Variants in NNT observed in about 807,000 individuals in gnomAD.
NNT encodes NAD(P) transhydrogenase, mitochondrial.
NNT carries 50 observed loss-of-function variants against 104.8 expected under a neutral mutation model. The ratio of observed to expected loss-of-function variants is 0.48; its 90% CI spans 0.38 to 0.60. The LOEUF (loss-of-function observed/expected upper bound fraction) is 0.60, where lower values mean the gene tolerates loss of function less well. Among genes scored for constraint, NNT ranks in the 20% least tolerant of loss-of-function variants. The pLI is 0.00. For synonymous variants in NNT, 461 were observed against 490.4 expected (o/e 0.94, Z 0.79); for missense variants, 1,131 against 1,330.7 (o/e 0.85, Z 2.33).
At chr5:43,678,967 A>G (rs974332646) in intron 19 of NNT, among the ~76,000 whole-genome samples, 1 of 152,222 alleles carries the variant, frequency 6.6e-6, no homozygotes, top group Non-Finnish European at 1.5e-5. Context: ...TCAAATATAT[A>G]GAATCAAAAT....
intron 19 of NNT, 147 bp downstream of exon 19, chr5:43,677,953 C>A: frequency 3.4e-6 from 2 of 581,148 alleles, no homozygotes; most frequent in East Asian, 2.8e-5. Context: ...TTTGACTCTC[C>A]AAAAACTTAC....
At chr5:43,613,985 A>C (rs1194579808) in intron 3 of NNT, among the ~76,000 whole-genome samples, 1 of 152,218 alleles carries the variant, frequency 6.6e-6, no homozygotes, top group Non-Finnish European at 1.5e-5. Context: ...AATTTTTGCT[A>C]TTGAAAGTTA....
At chr5:43,647,538 T>G (rs1165378788) in intron 10 of NNT, among the ~76,000 whole-genome samples, 1 of 152,210 alleles carries the variant, frequency 6.6e-6, no homozygotes, top group Non-Finnish European at 1.5e-5. Context: ...TAAGTATTTT[T>G]CTTTTATATG....
chr5:43,701,598 A>C (rs891801775), intron 20 of NNT, among the ~76,000 whole-genome samples: 1 of 152,164 alleles, frequency 6.6e-6, no homozygotes, highest in African/African-American at 2.4e-5. Context: ...ATATGTACGC[A>C]GTAGTGGGAT....
intron 19 of NNT, among the ~76,000 whole-genome samples, chr5:43,699,775 C>T (rs1175288323): frequency 1.3e-5 from 2 of 152,088 alleles, no homozygotes; most frequent in African/African-American, 2.4e-5. Flanking sequence ...TTTAAAGATT[C>T]AATATTTACC....
At chr5:43,684,617 T>C (rs1419237861) in intron 19 of NNT, among the ~76,000 whole-genome samples, 3 of 152,138 alleles carry the variant, frequency 2.0e-5, no homozygotes. Context: ...CCGACCCAGT[T>C]GGTCCAGGCC....
At chr5:43,612,634 A>G (rs1749559122) in intron 2 of NNT, among the ~76,000 whole-genome samples, 1 of 152,106 alleles carries the variant, frequency 6.6e-6, no homozygotes, top group Middle Eastern at 3.2e-3. Flanking sequence ...CCTACAAATC[A>G]ACTAAGCTTG....
At chr5:43,687,285 A>T (rs1580116491) in intron 19 of NNT, among the ~76,000 whole-genome samples, 1 of 152,296 alleles carries the variant, frequency 6.6e-6, no homozygotes, top group South Asian at 2.1e-4. Flanking sequence ...GGTCAGGGAT[A>T]GCTCATTCTT....
At chr5:43,696,751 C>T (rs1019307754) in intron 19 of NNT, among the ~76,000 whole-genome samples, 3 of 152,218 alleles carry the variant, frequency 2.0e-5, no homozygotes, top group African/African-American at 7.2e-5. Context: ...GGCTCCACAT[C>T]ATGTGGAAGC....
chr5:43,655,763 C>A (rs2111932253), intron 14 of NNT, 77 bp from the exon 15 acceptor site: 2 of 1,001,430 alleles, frequency 2.0e-6, no homozygotes, highest in South Asian at 2.8e-5. Context: ...TGGTGGAAAT[C>A]CTTAAGGGTG....
Position 43,700,189 on chromosome 5 carries a change from C to T in NNT, c.2947C>T (p.Pro983Ser). ...TGTGCTGCTGGCTGAGGCTGGTGTG[C>T]CATATGACATTGTGTTGGAAATGGA... ...LNVLLAEAGV[P>S]YDIVLEMDEI... The change falls in exon 20 of 22, where the codon CCA becomes TCA. Residue 983 changes from proline to serine, a missense_variant. Transcript: ENST00000344920. The T allele has an allele frequency of 6.2e-7, 1 of 1,613,482 alleles. No homozygotes were observed. Among genetic ancestry groups the T allele is most frequent in the Non-Finnish European group, 8.5e-7 (1 of 1,179,710 alleles).
Position 43,637,354 on chromosome 5 carries a change from C to A in NNT, c.965-6838C>A, listed in dbSNP as rs183960593. ...CATGCATACATATATGTATAAAAAC[C>A]CTTTTGTTATCATTGGTAACATTTT... On this transcript the variant is annotated intron_variant, in intron 7 of 21. Transcript: ENST00000344920. 4.9e-3 allele frequency among the ~76,000 whole-genome samples: 749 copies of A among 152,050 alleles called. 6 individuals are homozygous for A. Among genetic ancestry groups the A allele is most frequent in the African/African-American group, 0.017 (724 of 41,484 alleles).
At chr5:43,661,777 A>G (rs1740379875) in intron 17 of NNT, among the ~76,000 whole-genome samples, 1 of 151,958 alleles carries the variant, frequency 6.6e-6, no homozygotes, top group African/African-American at 2.4e-5. Context: ...TCCATGGTGT[A>G]TATGTGCCAC....
rs1739624391 is a variant in NNT, at chr5:43,649,282, TG to T, written c.1581del (p.Met528CysfsTer3). On this transcript the variant is annotated frameshift_variant, in exon 11 of 22. Transcript: ENST00000344920. LOFTEE classifies it high-confidence loss of function. ...WGVTPALHSP[L>X]MSVTNAISGL... ...GTGACCCCTGCTCTCCACTCACCACTGATGTCTGTGACAAATGCAATCTCAG... is the reference window on the plus strand; with the variant it reads ...GTGACCCCTGCTCTCCACTCACCACTATGTCTGTGACAAATGCAATCTCAG... 2 of 1,614,022 alleles carry T rather than the reference TG, an allele frequency of 1.2e-6. No individual in the cohort carries two copies. The highest frequency in any genetic ancestry group is 8.5e-7 in the Non-Finnish European group (1 of 1,180,000).
intron 17 of NNT, among the ~76,000 whole-genome samples, chr5:43,666,229 G>A (rs1240572681): frequency 6.6e-6 from 1 of 152,184 alleles, no homozygotes; most frequent in Admixed American, 6.5e-5. Flanking sequence ...CACTTTGGGA[G>A]GCCAAGGCAG....
rs754998518 is a variant in NNT, at chr5:43,615,836, T to A, written c.382-12T>A. 13 of 1,577,792 alleles carry A rather than the reference T, an allele frequency of 8.2e-6. No homozygotes were observed. The highest frequency in any genetic ancestry group is 1.1e-5 in the Non-Finnish European group (13 of 1,164,986). ...TTTATATTTATAATCTGTGACTTGA[T>A]TTTTTCCCCAGGTGCGAGCCCCTAT... On this transcript the variant is annotated splice_polypyrimidine_tract_variant and intron_variant, in intron 3 of 21. Transcript: ENST00000344920.
At chr5:43,651,693 G>A in intron 12 of NNT, 46 bp from the exon 13 acceptor site, 1 of 1,598,600 alleles carries the variant, frequency 6.3e-7, no homozygotes, top group Non-Finnish European at 8.5e-7. Flanking sequence ...GTTGCTCAGT[G>A]AGCTCAAAGA....
rs950114964 is a variant in NNT at position 43,675,518 on chromosome 5, A to G, written c.2642A>G (p.Asn881Ser). ...GATAATTTGGCTTTCTAGGCAATGA[A>G]TCGCTCCCTGGCTAATGTGATTCTT... ...ILSYIMCVAM[N>S]RSLANVILGG... The change falls in exon 18 of 22, where the codon AAT becomes AGT. Residue 881 changes from asparagine (N) to serine (S), a missense_variant. By Grantham distance (46) the Asn-to-Ser change is conservative. Coordinates refer to ENST00000344920, the MANE Select transcript of NNT (RefSeq NM_182977.3). 6.2e-7 allele frequency: 1 copy of G among 1,609,784 alleles called. No individual in the cohort carries two copies. The highest frequency in any genetic ancestry group is 1.3e-5 in the African/African-American group (1 of 74,746).
At chr5:43,666,275 C>G (rs1740673076) in intron 17 of NNT, among the ~76,000 whole-genome samples, 1 of 152,052 alleles carries the variant, frequency 6.6e-6, no homozygotes, top group South Asian at 2.1e-4. Flanking sequence ...CAGCCGAGAG[C>G]ATGCCACTGC....
Sources: allele counts gnomAD v4.1 joint callset (sites outside exome capture counted in the v4.1 genomes callset), GRCh38; gene constraint gnomAD v4.1.1; transcripts MANE v1.5; gene names NCBI Gene and HGNC (gene_info 2026-07-23, HGNC 2026-07-21).